The following SDK1 variants were observed in gnomAD, a reference collection of about 807,000 sequenced individuals.
SDK1 encodes the protein protein sidekick-1.
Under a neutral mutation model 245.5 loss-of-function variants are expected in SDK1, and 157 were observed. That is an observed-to-expected ratio of 0.64 (90% confidence interval 0.56 to 0.73). SDK1 has a LOEUF of 0.73. Among genes scored for constraint, SDK1 ranks in the 30% least tolerant of loss-of-function variants. The probability of loss-of-function intolerance (pLI) is 0.00; values close to 1 mark genes in which losing one functional copy is unlikely to be tolerated. For synonymous variants in SDK1, 1,647 were observed against 1,278.5 expected (o/e 1.29, Z -6.15); for missense variants, 3,583 against 3,002.3 (o/e 1.19, Z -4.52).
chr7:4,037,915 A>C (rs1278589440), intron 17 of SDK1, among the ~76,000 whole-genome samples: 1 of 152,186 alleles, frequency 6.6e-6, no homozygotes, highest in Non-Finnish European at 1.5e-5. Flanking sequence ...TTTCTCTATT[A>C]TGTATTCCAA....
intron 19 of SDK1, among the ~76,000 whole-genome samples, chr7:4,056,111 A>G (rs568749250): frequency 1.3e-5 from 2 of 150,410 alleles, no homozygotes; most frequent in African/African-American, 4.9e-5. Context: ...CTCCTTTTCA[A>G]TTGTAAATTT....
intron 1 of SDK1, among the ~76,000 whole-genome samples, chr7:3,590,641 A>G (rs1391752377): frequency 6.6e-6 from 1 of 152,206 alleles, no homozygotes; most frequent in Non-Finnish European, 1.5e-5. Context: ...TGTATGTGGT[A>G]TCCTCCAGTT....
chr7:4,076,307 A>C (rs560878653), intron 20 of SDK1, among the ~76,000 whole-genome samples: 1 of 152,320 alleles, frequency 6.6e-6, no homozygotes, highest in South Asian at 2.1e-4. Flanking sequence ...TAATCCCAAC[A>C]CTAAGGGAGG....
intron 5 of SDK1, among the ~76,000 whole-genome samples, chr7:3,892,392 A>C (rs1781481549): frequency 6.6e-6 from 1 of 152,124 alleles, no homozygotes; most frequent in Non-Finnish European, 1.5e-5. Context: ...TGCTCTTCTC[A>C]TGCTGGAGGG....
At chr7:3,616,022 C>G (rs1403208538) in intron 1 of SDK1, among the ~76,000 whole-genome samples, 1 of 152,094 alleles carries the variant, frequency 6.6e-6, no homozygotes, top group Non-Finnish European at 1.5e-5. Flanking sequence ...GTAGCTGGGA[C>G]TGCAGGTGTA....
chr7:3,877,774 T>G (rs1429504489), intron 5 of SDK1, among the ~76,000 whole-genome samples: 1 of 152,240 alleles, frequency 6.6e-6, no homozygotes, highest in Non-Finnish European at 1.5e-5. Context: ...ATAACCCCTT[T>G]CACTCAGTGC....
intron 1 of SDK1, among the ~76,000 whole-genome samples, chr7:3,573,564 C>T (rs973768521): frequency 6.6e-6 from 1 of 152,054 alleles, no homozygotes; most frequent in Non-Finnish European, 1.5e-5. Context: ...GAGTCACAGT[C>T]TTCTCAGTCA....
At chr7:3,595,577 G>C (rs1054900584) in intron 1 of SDK1, among the ~76,000 whole-genome samples, 1 of 151,750 alleles carries the variant, frequency 6.6e-6, no homozygotes, top group African/African-American at 2.4e-5. Flanking sequence ...TTCATTTTTA[G>C]TTTACATTCT....
At chr7:3,638,967 G>C (rs1470464420) in intron 2 of SDK1, 37 bp from the exon 3 acceptor site, 2 of 1,301,256 alleles carry the variant, frequency 1.5e-6, no homozygotes, top group Non-Finnish European at 2.2e-6. Flanking sequence ...TGAAACACTG[G>C]ATATAAGCAT....
At chr7:3,629,966 C>T (rs1782240555) in intron 2 of SDK1, among the ~76,000 whole-genome samples, 1 of 152,074 alleles carries the variant, frequency 6.6e-6, no homozygotes, top group Non-Finnish European at 1.5e-5. Flanking sequence ...AGAAATCTAA[C>T]TTATAAGGAT....
intron 1 of SDK1, among the ~76,000 whole-genome samples, chr7:3,469,557 G>C (rs560734611): frequency 6.6e-6 from 1 of 152,272 alleles, no homozygotes; most frequent in African/African-American, 2.4e-5. Flanking sequence ...TAGTTTTCCG[G>C]TTAGGGCCTA....
At chr7:3,775,918 C>T (rs1272558646) in intron 4 of SDK1, among the ~76,000 whole-genome samples, 1 of 152,214 alleles carries the variant, frequency 6.6e-6, no homozygotes, top group Non-Finnish European at 1.5e-5. Flanking sequence ...AAAGTCTTGA[C>T]TGTCTTTCCC....
chr7:3,418,767 A>G (rs1452971741), intron 1 of SDK1, among the ~76,000 whole-genome samples: 1 of 152,260 alleles, frequency 6.6e-6, no homozygotes, highest in African/African-American at 2.4e-5. Flanking sequence ...CAATAATTAC[A>G]CTCAAGACCT....
intron 4 of SDK1, among the ~76,000 whole-genome samples, chr7:3,689,389 G>A (rs1784380488): frequency 6.6e-6 from 1 of 152,122 alleles, no homozygotes. Flanking sequence ...CTACCATCCT[G>A]CCGTTATAAG....
chr7:4,108,735 A>T (rs569737115), intron 22 of SDK1, among the ~76,000 whole-genome samples: 10 of 152,216 alleles, frequency 6.6e-5, no homozygotes, highest in Non-Finnish European at 1.0e-4. Context: ...AACTTAGTAG[A>T]TTCCCAGTGC....
chr7:3,671,398 A>C (rs181788903), intron 4 of SDK1, among the ~76,000 whole-genome samples: 2 of 152,218 alleles, frequency 1.3e-5, no homozygotes, highest in African/African-American at 4.8e-5. Context: ...AAGGAAATGG[A>C]ATCAATGTAC....
intron 28 of SDK1, among the ~76,000 whole-genome samples, chr7:4,142,804 C>T (rs1779666342): frequency 6.6e-6 from 1 of 152,156 alleles, no homozygotes; most frequent in Non-Finnish European, 1.5e-5. Context: ...GATTTTTGAG[C>T]CATGTGAATG....
chr7:4,098,643 A>T (rs1481597331), intron 22 of SDK1, among the ~76,000 whole-genome samples: 2 of 151,002 alleles, frequency 1.3e-5, no homozygotes, highest in Non-Finnish European at 2.9e-5. Context: ...TGTGAGAGGG[A>T]GGATGGAAAT....
chr7:3,591,931 T>G (rs1780888297), intron 1 of SDK1, among the ~76,000 whole-genome samples: 1 of 152,202 alleles, frequency 6.6e-6, no homozygotes. Context: ...TCAATAAATT[T>G]CCACAAAAGG....
Sources: allele counts gnomAD v4.1 joint callset (sites outside exome capture counted in the v4.1 genomes callset), GRCh38; gene constraint gnomAD v4.1.1; transcripts MANE v1.5; gene names NCBI Gene and HGNC (gene_info 2026-07-23, HGNC 2026-07-21).